The following CNBD2 variants were observed in gnomAD, a reference collection of about 807,000 sequenced individuals.
The protein encoded by CNBD2 is cyclic nucleotide binding domain containing 2.
A neutral mutation model predicts 63.7 loss-of-function variants in CNBD2; 64 were observed. That is an observed-to-expected ratio of 1.00 (90% CI 0.82 to 1.24). The LOEUF is 1.24. Among genes scored for constraint, CNBD2 ranks in the 50% most tolerant of loss-of-function variants. The pLI is 0.00. For synonymous variants in CNBD2, 229 were observed against 255.4 expected, an observed-to-expected ratio of 0.90 and a Z score of 0.99; for missense variants, 691 against 713.5, an observed-to-expected ratio of 0.97 and a Z score of 0.36.
upstream of CNBD2, among the ~76,000 whole-genome samples, chr20:35,968,249 T>C (rs949351895): frequency 3.3e-5 from 5 of 152,172 alleles, no homozygotes; most frequent in Admixed American, 3.3e-4. Flanking sequence ...AGGTAGCAAC[T>C]TCCTGGTCAT....
chr20:36,005,807 C>T (rs750762826), intron 8 of CNBD2, among the ~76,000 whole-genome samples: 14 of 151,370 alleles, frequency 9.2e-5, no homozygotes, highest in Non-Finnish European at 1.8e-4. Context: ...AAAAATTAGC[C>T]GGGCATGGTG....
downstream of CNBD2, among the ~76,000 whole-genome samples, chr20:35,955,533 A>G (rs775211915): frequency 6.6e-6 from 1 of 152,208 alleles, no homozygotes; most frequent in Non-Finnish European, 1.5e-5. Context: ...GGAGGATTAA[A>G]TAAATTAAGC....
chr20:35,969,535 G>A (rs1360266451), intron 1 of CNBD2, among the ~76,000 whole-genome samples: 1 of 151,992 alleles, frequency 6.6e-6, no homozygotes, highest in Non-Finnish European at 1.5e-5. Flanking sequence ...ACATGTGTAT[G>A]TATCCATAAA....
chr20:35,969,078 G>A (rs1260078955), intron 1 of CNBD2, among the ~76,000 whole-genome samples: 1 of 152,152 alleles, frequency 6.6e-6, no homozygotes, highest in Non-Finnish European at 1.5e-5. Context: ...CAGAGAGAAC[G>A]AGGGAGGATA....
chr20:35,961,396 C>T (rs564872761), intron 2 of CNBD2, among the ~76,000 whole-genome samples: 27 of 152,306 alleles, frequency 1.8e-4, no homozygotes, highest in Non-Finnish European at 2.5e-4. Flanking sequence ...CTGCCAGTGT[C>T]GTCTCCTCTG....
intron 6 of CNBD2, among the ~76,000 whole-genome samples, chr20:35,986,301 G>C (rs1255813676): frequency 6.6e-6 from 1 of 152,072 alleles, no homozygotes; most frequent in Non-Finnish European, 1.5e-5. Flanking sequence ...CCCTGGAAAA[G>C]TGGGGATTTA....
In CNBD2 at chr20:35,980,450, T is replaced by A; in HGVS notation, c.244-9T>A. 1.2e-6 allele frequency: 2 copies of A among 1,613,910 alleles called. No individual in the cohort carries two copies. The highest frequency in any genetic ancestry group is 1.7e-6 in the Non-Finnish European group (2 of 1,179,904). ...GGTCCCCTGTATCACTCTGGTCCTCTCTCCCCAGGGTCACTTTCCTCCAAA... is the reference window on the plus strand; with the variant it reads ...GGTCCCCTGTATCACTCTGGTCCTCACTCCCCAGGGTCACTTTCCTCCAAA... On this transcript the variant is annotated splice_polypyrimidine_tract_variant and intron_variant, in intron 3 of 11. Transcript: ENST00000373973.
At chr20:36,011,053 G>A in intron 9 of CNBD2, 84 bp from the exon 10 acceptor site, 6 of 1,317,010 alleles carry the variant, frequency 4.6e-6, no homozygotes, top group Non-Finnish European at 5.9e-6. Flanking sequence ...CCCTCCATGT[G>A]CAGAAGAGTG....
intron 2 of CNBD2, chr20:35,974,507 C>T (rs2056471299): frequency 6.5e-6 from 1 of 153,848 alleles, no homozygotes; most frequent in South Asian, 2.1e-4. Context: ...AGAGCAGAAG[C>T]CTCTCAAGGG....
At chr20:36,001,316 G>A (rs865844049) in intron 8 of CNBD2, among the ~76,000 whole-genome samples, 4,431 of 148,288 alleles carry the variant, frequency 0.03, 280 homozygotes, top group African/African-American at 0.11. Flanking sequence ...AGGGGCGGCC[G>A]GGCAGAGGCG....
Position 36,009,384 on chromosome 20 carries a change from A to G in CNBD2, c.1148+910A>G, listed in dbSNP as rs185648570. ...GTCTGGCTAATTTTTTTGTATTTTT[A>G]GTAGAGACGAGGTTTCACCGTATTA... On this transcript the variant is annotated intron_variant, in intron 9 of 11. Coordinates refer to ENST00000373973, the MANE Select transcript of CNBD2 (RefSeq NM_001365709.1). Among the ~76,000 whole-genome samples, 1,472 of 151,726 alleles carry G rather than the reference A, an allele frequency of 9.7e-3. 63 individuals are homozygous for G. Among genetic ancestry groups the G allele is most frequent in the Admixed American group, 0.071 (1,080 of 15,246 alleles).
rs754811804 is a variant in CNBD2 at position 35,975,861 on chromosome 20, G to A, written c.190-88G>A. On this transcript the variant is annotated intron_variant, in intron 2 of 11. Transcript: ENST00000373973. Reference sequence around the variant, plus strand: ...CCCATGGCTTCCTGCCCACCATGGTGGTCCAGGTAGACAGGAGGGCTCTAG... The same window carrying A: ...CCCATGGCTTCCTGCCCACCATGGTAGTCCAGGTAGACAGGAGGGCTCTAG... The A allele has an allele frequency of 2.3e-5, 28 of 1,202,200 alleles. No homozygotes were observed. In the Admixed American group the frequency reaches 2.5e-4, roughly 11 times the overall value. The allele number at this position is 1,202,200 out of a possible 1,614,324, so 74.5% of individuals were successfully genotyped here.
chr20:35,999,226 G>C (rs578090730), intron 8 of CNBD2, among the ~76,000 whole-genome samples: 1 of 152,210 alleles, frequency 6.6e-6, no homozygotes, highest in African/African-American at 2.4e-5. Context: ...ATTTCTTAAA[G>C]GCAGCATATA....
chr20:35,984,243 A>G, intron 5 of CNBD2, 105 bp downstream of exon 5: 1 of 1,226,866 alleles, frequency 8.2e-7, no homozygotes, highest in African/African-American at 1.5e-5. Context: ...AGTACTCTGT[A>G]CAAGTCAGTG....
chr20:35,984,480 G>A, intron 5 of CNBD2, 147 bp from the exon 6 acceptor site: 1 of 858,012 alleles, frequency 1.2e-6, no homozygotes, highest in East Asian at 2.7e-5. Flanking sequence ...GTGGGAGAAT[G>A]TGCAGGAGAA....
intron 8 of CNBD2, among the ~76,000 whole-genome samples, chr20:35,996,632 C>T (rs1480346974): frequency 6.6e-6 from 1 of 151,844 alleles, no homozygotes; most frequent in Non-Finnish European, 1.5e-5. Context: ...CTCAGCATCC[C>T]GAGCAGCTGG....
upstream of CNBD2, among the ~76,000 whole-genome samples, chr20:35,964,976 C>T (rs1192276534): frequency 6.6e-6 from 1 of 152,158 alleles, no homozygotes; most frequent in Non-Finnish European, 1.5e-5. Context: ...GCTGGGATTA[C>T]ATACGTGAGC....
chr20:36,001,886 G>A (rs1322605334), intron 8 of CNBD2, among the ~76,000 whole-genome samples: 1 of 150,768 alleles, frequency 6.6e-6, no homozygotes, highest in Middle Eastern at 3.4e-3. Context: ...GATGGCGGCC[G>A]GGCAGAGACG....
rs112868872 is a variant in CNBD2 at position 35,978,587 on chromosome 20, G to A, written c.244-1872G>A. Among the ~76,000 whole-genome samples, 765 of 152,232 alleles carry A rather than the reference G, an allele frequency of 5.0e-3. 5 individuals carry two copies. Among genetic ancestry groups the A allele is most frequent in the African/African-American group, 0.016 (682 of 41,542 alleles). On this transcript the variant is annotated intron_variant, in intron 3 of 11. Transcript: ENST00000373973. ...TCTTGATCTCCTGACCTCGTGATCC[G>A]TCCGCCTTGGCCTCCCAAAGTGCTG...
Sources: allele counts gnomAD v4.1 joint callset (sites outside exome capture counted in the v4.1 genomes callset), GRCh38; gene constraint gnomAD v4.1.1; transcripts MANE v1.5; gene names NCBI Gene and HGNC (gene_info 2026-07-23, HGNC 2026-07-21).